CACNA1I: variants seen among roughly 807,000 people sequenced by gnomAD.
CACNA1I encodes voltage-dependent T-type calcium channel subunit alpha-1I.
CACNA1I carries 74 observed loss-of-function variants against 201.6 expected under a neutral mutation model. That is an observed-to-expected ratio of 0.37 (90% CI 0.30 to 0.45). The LOEUF (loss-of-function observed/expected upper bound fraction) is 0.45, where lower values mean the gene tolerates loss of function less well. CACNA1I is among the 20% of genes least tolerant of loss of function. CACNA1I has a pLI of 1.00. For synonymous variants in CACNA1I, 1,431 were observed against 1,345.2 expected, an observed-to-expected ratio of 1.06 and a Z score of -1.40; for missense variants, 2,346 against 3,138.1, an observed-to-expected ratio of 0.75 and a Z score of 6.03.
At chr22:39,586,591 C>G (rs956013859) in intron 1 of CACNA1I, among the ~76,000 whole-genome samples, 3 of 152,200 alleles carry the variant, frequency 2.0e-5, no homozygotes, top group Admixed American at 1.3e-4. Context: ...GAAGAGGAGT[C>G]AGTCATGCCC....
At position 39,670,035 on chromosome 22, in the gene CACNA1I, C is replaced by A; in HGVS notation, c.4195-3C>A. On this transcript the variant is annotated splice_region_variant and splice_polypyrimidine_tract_variant and intron_variant, in intron 24 of 36. Coordinates refer to ENST00000402142, the MANE Select transcript of CACNA1I (RefSeq NM_021096.4). The stretch of plus-strand genomic sequence containing the variant: ...TCCTCAGCCCTTTCTGACTCCCCTG[C>A]AGCCTGTGACCAACCACAACCCCTG... 1 of 1,612,166 alleles carries A rather than the reference C, an allele frequency of 6.2e-7. No homozygotes were observed. Among genetic ancestry groups the A allele is most frequent in the Non-Finnish European group, 8.5e-7 (1 of 1,179,844 alleles).
At position 39,684,296 on chromosome 22, in the gene CACNA1I, C is replaced by T. The variant is rs1000233062; in HGVS notation, c.5831-6C>T. On this transcript the variant is annotated splice_region_variant and splice_polypyrimidine_tract_variant and intron_variant, in intron 35 of 36. Transcript: ENST00000402142. The surrounding 1 kb of genome is among the most constrained non-coding windows in gnomAD (Gnocchi z 4.6). ...CCCTCAGCTCTGTCTTCTCCTTTCC[C>T]AGCAGCACCCCCAAGTCCCTTCTCC... 1.1e-5 allele frequency: 17 copies of T among 1,612,934 alleles called. No individual in the cohort carries two copies. The highest frequency in any genetic ancestry group is 9.3e-5 in the African/African-American group (7 of 74,896).
At chr22:39,579,067 G>T (rs1932462108) in intron 1 of CACNA1I, among the ~76,000 whole-genome samples, 1 of 152,200 alleles carries the variant, frequency 6.6e-6, no homozygotes, top group Non-Finnish European at 1.5e-5. Flanking sequence ...GTTGTTTGCT[G>T]CTAGCTTTGT....
intron 3 of CACNA1I, among the ~76,000 whole-genome samples, chr22:39,606,837 C>T (rs1451905365): frequency 6.6e-6 from 1 of 152,254 alleles, no homozygotes. Flanking sequence ...TGGCCAATCC[C>T]AACTCTTTGT....
chr22:39,579,425 G>A (rs1394084583), intron 1 of CACNA1I, among the ~76,000 whole-genome samples: 1 of 152,246 alleles, frequency 6.6e-6, no homozygotes, highest in Non-Finnish European at 1.5e-5. Flanking sequence ...ATGGCTGGCT[G>A]TATCTGTCTG....
At position 39,620,162 on chromosome 22, in the gene CACNA1I, C is replaced by CCCATCCAT. The variant is rs140908158; in HGVS notation, c.580+767_580+774dup. Among the ~76,000 whole-genome samples the CCCATCCAT allele has an allele frequency of 2.0e-4, 25 of 124,284 alleles. No homozygotes were observed. The South Asian group carries it at 4.6e-3, about 23-fold the overall frequency. The allele number at this position is 124,284 out of a possible 152,430, so 81.5% of individuals were successfully genotyped here. On this transcript the variant is annotated intron_variant, in intron 4 of 36. Transcript: ENST00000402142. Reference sequence around the variant, plus strand: ...ATCCACCCACCCATCCATCCACCCACCCATCCATCCATCCATCCACTCATC... The same window carrying CCCATCCAT: ...ATCCACCCACCCATCCATCCACCCACCCATCCATCCATCCATCCATCCATCCACTCATC...
At chr22:39,671,650 A>G (rs1403895026) in intron 26 of CACNA1I, among the ~76,000 whole-genome samples, 3 of 152,208 alleles carry the variant, frequency 2.0e-5, no homozygotes, top group Non-Finnish European at 4.4e-5. Context: ...CAGGTGTGAA[A>G]TTAATACCTT....
chr22:39,631,050 C>T (rs898299765), intron 4 of CACNA1I, among the ~76,000 whole-genome samples: 2 of 152,154 alleles, frequency 1.3e-5, no homozygotes, highest in African/African-American at 4.8e-5. Flanking sequence ...TAAGGATTTG[C>T]ACTTTCCCAT....
At chr22:39,682,702 C>G in intron 35 of CACNA1I, 41 bp downstream of exon 35, 1 of 1,568,082 alleles carries the variant, frequency 6.4e-7, no homozygotes. Flanking sequence ...CAGCCCTCAT[C>G]TTGGGCATCT....
rs760274655 is a variant in CACNA1I, at chr22:39,659,584, G to A, written c.2448+34G>A. ...CCGCTGCGTGTTCATGTTTGCTGGG[G>A]AAGCGATGGGACAGTAGGCCTGGGA... is the stretch of plus-strand genomic sequence containing the variant. On this transcript the variant is annotated intron_variant, in intron 13 of 36. Coordinates refer to ENST00000402142, the MANE Select transcript of CACNA1I (RefSeq NM_021096.4). This position sits in a 1 kb window ranked among gnomAD's most constrained non-coding sequence, Gnocchi z 4.3. 3.1e-6 allele frequency: 5 copies of A among 1,600,454 alleles called. No individual in the cohort carries two copies. Among genetic ancestry groups the A allele is most frequent in the East Asian group, 2.2e-5 (1 of 44,808 alleles).
chr22:39,598,948 T>TTTC, intron 2 of CACNA1I, among the ~76,000 whole-genome samples: 1 of 127,446 alleles, frequency 7.8e-6, no homozygotes, highest in Non-Finnish European at 1.7e-5. Context: ...TGGGTTTTTT[T>TTTC]TTTTTTTTTT....
intron 1 of CACNA1I, among the ~76,000 whole-genome samples, chr22:39,576,938 G>A (rs1418682713): frequency 6.6e-6 from 1 of 150,518 alleles, no homozygotes; most frequent in Non-Finnish European, 1.5e-5. Context: ...GGGTCTGGAT[G>A]TCTGTGCTTC....
chr22:39,656,799 T>A, intron 10 of CACNA1I: 1 of 518,634 alleles, frequency 1.9e-6, no homozygotes, highest in South Asian at 1.4e-5. Context: ...CCTCCCAGTT[T>A]CCCTAGCCTC....
Position 39,685,697 on chromosome 22 carries a change from G to A in CACNA1I, c.6028-64G>A, listed in dbSNP as rs1423624796. On this transcript the variant is annotated intron_variant, in intron 36 of 36. Transcript: ENST00000402142. The surrounding 1 kb of genome is among the most constrained non-coding windows in gnomAD (Gnocchi z 5.0). ...TGCTGCCTGCTGTGCGGGGGAGGGC[G>A]GCGTCCAGGTTGCTGGGGTGGGGGC... 8 of 1,320,198 alleles carry A rather than the reference G, an allele frequency of 6.1e-6. No homozygotes were observed. In the South Asian group the frequency reaches 8.2e-5, roughly 14 times the overall value. The allele number at this position is 1,320,198 out of a possible 1,614,324, so 81.8% of individuals were successfully genotyped here. A position where few individuals can be genotyped will look rare whatever the true frequency, so the allele number is the denominator to read the frequency against.
At chr22:39,572,634 C>T (rs929382360) in intron 1 of CACNA1I, among the ~76,000 whole-genome samples, 1 of 152,104 alleles carries the variant, frequency 6.6e-6, no homozygotes, top group Non-Finnish European at 1.5e-5. Flanking sequence ...GTGAGAGGGT[C>T]TGCTCGGTAA....
At chr22:39,674,273 G>A (rs917242701) in intron 29 of CACNA1I, among the ~76,000 whole-genome samples, 1 of 152,230 alleles carries the variant, frequency 6.6e-6, no homozygotes, top group Non-Finnish European at 1.5e-5. Flanking sequence ...TGCACGCACT[G>A]AGGGTCCACA....
chr22:39,608,896 C>T (rs1360911376), intron 3 of CACNA1I, among the ~76,000 whole-genome samples: 2 of 152,086 alleles, frequency 1.3e-5, no homozygotes, highest in Non-Finnish European at 2.9e-5. Flanking sequence ...AACAGCTTCT[C>T]CACCCTGACT....
intron 4 of CACNA1I, among the ~76,000 whole-genome samples, chr22:39,619,709 G>A (rs1400923892): frequency 1.3e-5 from 2 of 152,058 alleles, no homozygotes; most frequent in African/African-American, 4.8e-5. Flanking sequence ...ATGGGAGAGT[G>A]GTCTTCATAG....
At chr22:39,656,212 C>T (rs8137585) in intron 10 of CACNA1I, among the ~76,000 whole-genome samples, 2,689 of 152,096 alleles carry the variant, frequency 0.018, 89 homozygotes, top group African/African-American at 0.061. Flanking sequence ...TGGAAGCTGG[C>T]GCTTGGGTTG....
Sources: allele counts gnomAD v4.1 joint callset (sites outside exome capture counted in the v4.1 genomes callset), GRCh38; gene constraint gnomAD v4.1.1; non-coding constraint Gnocchi (gnomAD v3.1); transcripts MANE v1.5; gene names NCBI Gene and HGNC (gene_info 2026-07-23, HGNC 2026-07-21).